RIC1: variants seen among roughly 807,000 people sequenced by gnomAD.
RIC1 encodes the protein guanine nucleotide exchange factor subunit RIC1.
In RIC1, 88 loss-of-function variants were observed where a neutral mutation model predicts 169.0. That is an observed-to-expected ratio of 0.52 (90% CI 0.44 to 0.62). The LOEUF (loss-of-function observed/expected upper bound fraction) is 0.62. Ranked by LOEUF, RIC1 falls within the 20% of genes least tolerant of loss-of-function variation. The pLI is 0.00. For synonymous variants in RIC1, 790 were observed against 601.5 expected, an observed-to-expected ratio of 1.31 and a Z score of -4.59; for missense variants, 1,877 against 1,725.5, an observed-to-expected ratio of 1.09 and a Z score of -1.56.
chr9:5,712,535 A>G (rs1485452955), intron 3 of RIC1, among the ~76,000 whole-genome samples: 1 of 152,248 alleles, frequency 6.6e-6, no homozygotes, highest in Non-Finnish European at 1.5e-5. Context: ...AAGGATATGA[A>G]CAGACACTTC....
intron 1 of RIC1, among the ~76,000 whole-genome samples, chr9:5,646,788 A>G (rs535833419): frequency 6.6e-6 from 1 of 152,292 alleles, no homozygotes; most frequent in East Asian, 1.9e-4. Context: ...TGTAGTAGCC[A>G]TTGATGCACA....
intron 1 of RIC1, among the ~76,000 whole-genome samples, chr9:5,647,464 T>A (rs1350914514): frequency 1.3e-5 from 2 of 152,242 alleles, no homozygotes; most frequent in East Asian, 3.8e-4. Context: ...TTTCATTTAT[T>A]TGTGTCTAAT....
intron 1 of RIC1, among the ~76,000 whole-genome samples, chr9:5,636,249 T>G (rs1260203977): frequency 6.6e-6 from 1 of 152,210 alleles, no homozygotes; most frequent in Non-Finnish European, 1.5e-5. Context: ...TTTTATGGTG[T>G]TTAGTGGCGG....
At chr9:5,764,777 A>G (rs923738218) in intron 19 of RIC1, among the ~76,000 whole-genome samples, 13 of 152,248 alleles carry the variant, frequency 8.5e-5, no homozygotes, top group South Asian at 2.1e-4. Flanking sequence ...ACTCCCTGCA[A>G]CTTCACTGTA....
At chr9:5,647,379 A>G (rs1818568296) in intron 1 of RIC1, among the ~76,000 whole-genome samples, 1 of 152,204 alleles carries the variant, frequency 6.6e-6, no homozygotes, top group Admixed American at 6.5e-5. Flanking sequence ...ACTTACATTG[A>G]CTATGTAGAT....
intron 3 of RIC1, among the ~76,000 whole-genome samples, chr9:5,709,545 G>A (rs1191950854): frequency 6.6e-6 from 1 of 152,164 alleles, no homozygotes; most frequent in Non-Finnish European, 1.5e-5. Context: ...GAGAGGATGT[G>A]TATAGAACGT....
rs1390746027 is a variant in RIC1, at chr9:5,732,496, C to T, written c.812+17C>T. 1 of 1,532,564 alleles carries T rather than the reference C, an allele frequency of 6.5e-7. No homozygotes were observed. The highest frequency in any genetic ancestry group is 8.8e-7 in the Non-Finnish European group (1 of 1,132,774). The allele number at this position is 1,532,564 out of a possible 1,614,324, so 94.9% of individuals were successfully genotyped here. ...CTGTGTGAGGTATAATTGATGTAGG[C>T]TTTTGCATTTTTAAGAGTTGTTGCA... is the stretch of plus-strand genomic sequence containing the variant. On this transcript the variant is annotated intron_variant, in intron 7 of 25. Coordinates refer to ENST00000414202, the MANE Select transcript of RIC1 (RefSeq NM_020829.4).
chr9:5,729,158 A>C (rs1824199032), intron 6 of RIC1, among the ~76,000 whole-genome samples: 1 of 152,182 alleles, frequency 6.6e-6, no homozygotes, highest in African/African-American at 2.4e-5. Flanking sequence ...GTCCAAATTC[A>C]AGATGTGAAC....
intron 3 of RIC1, among the ~76,000 whole-genome samples, chr9:5,692,885 C>A (rs1293703593): frequency 6.6e-6 from 1 of 152,032 alleles, no homozygotes; most frequent in Non-Finnish European, 1.5e-5. Flanking sequence ...CCTTTAGCAA[C>A]CCTATGAGGT....
At chr9:5,673,435 C>T (rs1482824195) in intron 2 of RIC1, among the ~76,000 whole-genome samples, 1 of 150,556 alleles carries the variant, frequency 6.6e-6, no homozygotes, top group Non-Finnish European at 1.5e-5. Flanking sequence ...ATAAATTTGG[C>T]AATACATATT....
intron 4 of RIC1, 29 bp downstream of exon 4, chr9:5,714,032 G>A (rs767157281): frequency 3.5e-6 from 5 of 1,429,100 alleles, no homozygotes; most frequent in Middle Eastern, 1.7e-4. Context: ...ATTTGACATT[G>A]TGTGATGACA....
rs966705014 is a variant in RIC1, at chr9:5,666,956, G to C, written c.252+10266G>C. 4.6e-5 allele frequency among the ~76,000 whole-genome samples: 7 copies of C among 152,066 alleles called. No homozygotes were observed. In the South Asian group the frequency reaches 1.0e-3, roughly 22 times the overall value. On this transcript the variant is annotated intron_variant, in intron 2 of 25. Transcript: ENST00000414202. The stretch of plus-strand genomic sequence containing the variant: ...CAAAATTACTGGTAATGTTCTTTCT[G>C]ATTTTTGTGATTTGAATCATCTCCC...
intron 6 of RIC1, among the ~76,000 whole-genome samples, chr9:5,722,336 T>TG (rs1474913523): frequency 7.6e-5 from 3 of 39,610 alleles, no homozygotes; most frequent in East Asian, 3.1e-3. Flanking sequence ...GCAAAAACTA[T>TG]AAGAGAGAGA....
intron 22 of RIC1, among the ~76,000 whole-genome samples, chr9:5,769,876 T>C (rs955396017): frequency 6.6e-6 from 1 of 152,192 alleles, no homozygotes; most frequent in African/African-American, 2.4e-5. Flanking sequence ...TAGGATGATA[T>C]AACTTTTAGG....
chr9:5,733,558 C>T (rs1029118899), intron 7 of RIC1, among the ~76,000 whole-genome samples: 15 of 152,076 alleles, frequency 9.9e-5, no homozygotes, highest in Middle Eastern at 3.4e-3. Context: ...CCACCGTGCC[C>T]GGCCAGATTT....
chr9:5,768,879 C>T, intron 21 of RIC1, 91 bp from the exon 22 acceptor site: 4 of 1,361,982 alleles, frequency 2.9e-6, no homozygotes, highest in Non-Finnish European at 4.0e-6. Flanking sequence ...CTCTTATCTC[C>T]TTGTCAGCTT....
intron 3 of RIC1, among the ~76,000 whole-genome samples, chr9:5,697,302 G>C (rs1045436134): frequency 6.6e-6 from 1 of 152,210 alleles, no homozygotes; most frequent in Non-Finnish European, 1.5e-5. Context: ...TAAGAGGTTA[G>C]ATGGTGACTT....
chr9:5,719,547 T>C (rs1205103026), intron 4 of RIC1: 4 of 152,278 alleles, frequency 2.6e-5, no homozygotes, highest in African/African-American at 9.6e-5. Flanking sequence ...GAATGAACAA[T>C]GTGAGACTTG....
intron 1 of RIC1, among the ~76,000 whole-genome samples, chr9:5,637,621 TCAGC>T (rs1372124101): frequency 1.3e-5 from 2 of 152,188 alleles, no homozygotes; most frequent in Non-Finnish European, 2.9e-5. Flanking sequence ...GTTACCTTTC[TCAGC>T]CTCTGGTAAT....
Sources: gnomAD v4.1 joint callset for allele counts (sites outside exome capture counted in the v4.1 genomes callset) on GRCh38, gnomAD v4.1.1 for gene constraint, MANE v1.5 for transcripts, NCBI Gene and HGNC (gene_info 2026-07-23, HGNC 2026-07-21) for gene names.